The following ANKRD42 variants were observed in gnomAD, a reference collection of about 807,000 sequenced individuals.
ANKRD42 encodes ankyrin repeat domain 42.
Under a neutral mutation model 51.5 loss-of-function variants are expected in ANKRD42, and 43 were observed. That is an observed-to-expected ratio of 0.83 (90% CI 0.65 to 1.08). ANKRD42 has a LOEUF of 1.08. Among genes scored for constraint, ANKRD42 ranks in the 50% least tolerant of loss-of-function variants. The probability of loss-of-function intolerance (pLI) is 0.00; values close to 1 mark genes in which losing one functional copy is unlikely to be tolerated. For missense variants in ANKRD42, 608 were observed against 629.3 expected, an observed-to-expected ratio of 0.97 and a Z score of 0.36; for synonymous variants, 203 against 213.0, an observed-to-expected ratio of 0.95 and a Z score of 0.41.
chr11:83,233,218 T>G (rs1015080486), intron 7 of ANKRD42, among the ~76,000 whole-genome samples: 1 of 150,302 alleles, frequency 6.7e-6, no homozygotes, highest in African/African-American at 2.4e-5. Context: ...CTGGGGTTTT[T>G]TTTTTTTTTT....
chr11:83,261,746 G>A, downstream of ANKRD42: 1 of 531,844 alleles, frequency 1.9e-6, no homozygotes, highest in East Asian at 3.0e-5. Flanking sequence ...ACACAATAAA[G>A]ACACAGTATC....
At chr11:83,258,588 C>T (rs1011475117), downstream of ANKRD42, among the ~76,000 whole-genome samples, 2 of 152,028 alleles carry the variant, frequency 1.3e-5, no homozygotes, top group African/African-American at 2.4e-5. Flanking sequence ...TACCATCTAC[C>T]TAAGAGGAGA....
chr11:83,248,429 T>C lies in ANKRD42; in HGVS notation c.*225T>C, dbSNP rs972146675. 2 of 1,213,778 alleles carry C rather than the reference T, an allele frequency of 1.6e-6. No individual in the cohort carries two copies. The highest frequency in any genetic ancestry group is 3.1e-5 in the African/African-American group (2 of 63,832). The allele number at this position is 1,213,778 out of a possible 1,614,324, so 75.2% of individuals were successfully genotyped here. A position where few individuals can be genotyped will look rare whatever the true frequency, so the allele number is the denominator to read the frequency against. Reference sequence around the variant, plus strand: ...AGTTCATAAGTATTATTGTTAACATTGTACCATAGAAGGAGAAAATGTTTT... The same window carrying C: ...AGTTCATAAGTATTATTGTTAACATCGTACCATAGAAGGAGAAAATGTTTT... On this transcript the variant is annotated 3_prime_UTR_variant, in exon 11 of 11. Coordinates refer to ENST00000533342, the MANE Select transcript of ANKRD42 (RefSeq NM_001300975.2).
chr11:83,253,245 T>C (rs1863705546), downstream of ANKRD42, among the ~76,000 whole-genome samples: 1 of 152,236 alleles, frequency 6.6e-6, no homozygotes, highest in Admixed American at 6.5e-5. Flanking sequence ...GGGGAAGTTC[T>C]AAAAGTTTGT....
At chr11:83,241,240 G>A (rs1863377758) in intron 9 of ANKRD42, among the ~76,000 whole-genome samples, 1 of 152,098 alleles carries the variant, frequency 6.6e-6, no homozygotes, top group Non-Finnish European at 1.5e-5. Flanking sequence ...ATGGTTAGTT[G>A]GCAAATGATT....
intron 6 of ANKRD42, among the ~76,000 whole-genome samples, chr11:83,226,210 T>TAC (rs5793051): frequency 1.9e-4 from 28 of 151,144 alleles, no homozygotes; most frequent in East Asian, 7.8e-4. Flanking sequence ...TATGTACACA[T>TAC]ACACACACAC....
intron 5 of ANKRD42, among the ~76,000 whole-genome samples, chr11:83,220,593 A>G (rs1862690571): frequency 6.6e-6 from 1 of 152,208 alleles, no homozygotes; most frequent in South Asian, 2.1e-4. Flanking sequence ...ACGGCATGGA[A>G]GGGGTCCCGA....
chr11:83,228,195 A>G (rs1009711515), intron 7 of ANKRD42, among the ~76,000 whole-genome samples: 3 of 140,286 alleles, frequency 2.1e-5, no homozygotes, highest in Non-Finnish European at 4.5e-5. Context: ...ATGACCTATT[A>G]ATTCATACTA....
downstream of ANKRD42, chr11:83,257,228 T>C (rs1264784970): frequency 2.3e-6 from 1 of 439,174 alleles, no homozygotes; most frequent in Non-Finnish European, 4.5e-6. Context: ...GTGAGATAGA[T>C]GCAAGGGTCC....
At chr11:83,255,559 A>G (rs780883115) in intron 11 of ANKRD42, among the ~76,000 whole-genome samples, 1 of 152,202 alleles carries the variant, frequency 6.6e-6, no homozygotes, top group African/African-American at 2.4e-5. Context: ...ATGAGATAAG[A>G]CGGAAAATTG....
downstream of ANKRD42, among the ~76,000 whole-genome samples, chr11:83,256,642 A>G (rs1863780119): frequency 1.3e-5 from 2 of 152,058 alleles, no homozygotes; most frequent in Non-Finnish European, 2.9e-5. Context: ...CCCCCTGAAG[A>G]TCTGTCACTG....
At chr11:83,228,903 G>T (rs1352323281) in intron 7 of ANKRD42, among the ~76,000 whole-genome samples, 1 of 151,788 alleles carries the variant, frequency 6.6e-6, no homozygotes, top group Non-Finnish European at 1.5e-5. Flanking sequence ...TGAGATATGT[G>T]AATGGGGAGG....
chr11:83,215,571 T>C (rs1862501882), intron 5 of ANKRD42, among the ~76,000 whole-genome samples: 1 of 152,212 alleles, frequency 6.6e-6, no homozygotes, highest in Non-Finnish European at 1.5e-5. Context: ...TCTGGTAGTA[T>C]GTTTTAATTT....
intron 5 of ANKRD42, chr11:83,214,570 A>G: frequency 1.0e-6 from 1 of 982,078 alleles, no homozygotes; most frequent in Non-Finnish European, 1.2e-6. Context: ...TTGTGTTCAA[A>G]TCGCTCTCAT....
At chr11:83,208,490 G>A (rs1337172833) in intron 3 of ANKRD42, among the ~76,000 whole-genome samples, 1 of 152,156 alleles carries the variant, frequency 6.6e-6, no homozygotes, top group Non-Finnish European at 1.5e-5. Context: ...TTCTAGCAAA[G>A]TGTGTCCAGG....
chr11:83,231,861 AT>A (rs1158017320), intron 7 of ANKRD42, among the ~76,000 whole-genome samples: 1 of 152,188 alleles, frequency 6.6e-6, no homozygotes, highest in Middle Eastern at 3.2e-3. Context: ...TTTGTCAAAA[AT>A]GAGTTCACTG....
chr11:83,214,375 A>T, intron 5 of ANKRD42: 5 of 953,188 alleles, frequency 5.2e-6, no homozygotes, highest in Non-Finnish European at 6.2e-6. Context: ...AATACAAGGT[A>T]GGGGTCAGTT....
intron 5 of ANKRD42, among the ~76,000 whole-genome samples, chr11:83,211,650 A>G (rs929367948): frequency 1.3e-5 from 2 of 151,362 alleles, no homozygotes; most frequent in African/African-American, 4.8e-5. Flanking sequence ...AAAAAAAAGT[A>G]AAAGAAAGAA....
intron 5 of ANKRD42, among the ~76,000 whole-genome samples, chr11:83,224,504 A>G: frequency 6.6e-6 from 1 of 152,210 alleles, no homozygotes. Context: ...AAAGAAATGC[A>G]GGCTGGGAAA....
Sources: allele counts gnomAD v4.1 joint callset (sites outside exome capture counted in the v4.1 genomes callset), GRCh38; gene constraint gnomAD v4.1.1; transcripts MANE v1.5; gene names NCBI Gene and HGNC (gene_info 2026-07-23, HGNC 2026-07-21).